The following GMDS variants were observed in gnomAD, a reference collection of about 807,000 sequenced individuals.
GMDS encodes the protein GDP-mannose 4,6 dehydratase.
GMDS carries 20 observed loss-of-function variants against 49.9 expected under a neutral mutation model. The observed-to-expected ratio is 0.40, with a 90% CI of 0.28 to 0.58. The LOEUF is 0.58. Among genes scored for constraint, GMDS ranks in the 20% least tolerant of loss-of-function variants. The pLI is 0.42. For synonymous variants in GMDS, 177 were observed against 178.6 expected, an observed-to-expected ratio of 0.99 and a Z score of 0.07; for missense variants, 362 against 481.4, an observed-to-expected ratio of 0.75 and a Z score of 2.32.
intron 7 of GMDS, among the ~76,000 whole-genome samples, chr6:1,789,074 A>G (rs1463527417): frequency 6.6e-6 from 1 of 152,232 alleles, no homozygotes; most frequent in East Asian, 1.9e-4. Flanking sequence ...CACAATAGTC[A>G]TGTAATGACA....
chr6:1,700,944 C>T (rs191307723), intron 9 of GMDS, among the ~76,000 whole-genome samples: 7 of 152,274 alleles, frequency 4.6e-5, no homozygotes, highest in African/African-American at 9.6e-5. Flanking sequence ...TTATCCTATT[C>T]GTAAATCATA....
chr6:2,092,393 C>T (rs1773369631), intron 4 of GMDS, among the ~76,000 whole-genome samples: 1 of 152,186 alleles, frequency 6.6e-6, no homozygotes, highest in African/African-American at 2.4e-5. Context: ...TAAACCTTCC[C>T]ATCCTTAGAA....
At chr6:2,203,834 G>A (rs1291653849) in intron 1 of GMDS, among the ~76,000 whole-genome samples, 1 of 152,158 alleles carries the variant, frequency 6.6e-6, no homozygotes, top group East Asian at 1.9e-4. Context: ...ATAGCACAGG[G>A]AATGAAAACT....
At chr6:2,239,485 T>G (rs1781514135) in intron 1 of GMDS, among the ~76,000 whole-genome samples, 1 of 152,216 alleles carries the variant, frequency 6.6e-6, no homozygotes, top group Non-Finnish European at 1.5e-5. Context: ...GAGCAGCCCT[T>G]AGATCCCTAA....
intron 9 of GMDS, among the ~76,000 whole-genome samples, chr6:1,685,942 C>T (rs1483295092): frequency 2.6e-5 from 4 of 152,184 alleles, no homozygotes; most frequent in East Asian, 1.9e-4. Flanking sequence ...TTGGCATAGA[C>T]GTGCATGCCC....
chr6:2,155,411 T>C (rs774791795), intron 1 of GMDS, among the ~76,000 whole-genome samples: 10 of 152,106 alleles, frequency 6.6e-5, no homozygotes, highest in Non-Finnish European at 1.3e-4. Flanking sequence ...ACATAAAAGG[T>C]AATTACCATT....
intron 4 of GMDS, among the ~76,000 whole-genome samples, chr6:2,110,427 T>C (rs552638623): frequency 7.5e-4 from 114 of 152,280 alleles, no homozygotes; most frequent in African/African-American, 2.6e-3. Flanking sequence ...TTAATTCCTA[T>C]GGCTATTTTT....
chr6:1,667,312 C>T (rs1211579748), intron 9 of GMDS, among the ~76,000 whole-genome samples: 2 of 152,214 alleles, frequency 1.3e-5, no homozygotes, highest in Non-Finnish European at 2.9e-5. Context: ...AATGCAGTCA[C>T]GCTCAAGCAG....
At chr6:2,155,462 C>T (rs917938367) in intron 1 of GMDS, among the ~76,000 whole-genome samples, 3 of 152,072 alleles carry the variant, frequency 2.0e-5, no homozygotes, top group Non-Finnish European at 4.4e-5. Flanking sequence ...TGACCAAAGG[C>T]CCAAAATTTA....
intron 7 of GMDS, among the ~76,000 whole-genome samples, chr6:1,784,411 A>G (rs551910695): frequency 4.4e-4 from 66 of 151,562 alleles, no homozygotes; most frequent in Admixed American, 9.9e-4. Flanking sequence ...AAAAAAAAAA[A>G]AAAGAAAATT....
At chr6:1,735,320 A>G (rs1164162416) in intron 8 of GMDS, among the ~76,000 whole-genome samples, 1 of 152,212 alleles carries the variant, frequency 6.6e-6, no homozygotes, top group East Asian at 1.9e-4. Flanking sequence ...TGCTAAGGAC[A>G]CGGGTATGTG....
intron 7 of GMDS, among the ~76,000 whole-genome samples, chr6:1,781,086 T>C (rs1401794269): frequency 2.6e-5 from 4 of 152,018 alleles, no homozygotes; most frequent in Non-Finnish European, 5.9e-5. Context: ...GAAAACACGA[T>C]TGCAAGACGA....
chr6:1,848,697 A>G (rs1432695360), intron 7 of GMDS, among the ~76,000 whole-genome samples: 1 of 152,194 alleles, frequency 6.6e-6, no homozygotes, highest in Non-Finnish European at 1.5e-5. Context: ...AGAGGGCAGG[A>G]CTGCATAGGG....
chr6:1,725,606 T>C (rs1372423969), intron 9 of GMDS, among the ~76,000 whole-genome samples: 1 of 152,162 alleles, frequency 6.6e-6, no homozygotes, highest in Non-Finnish European at 1.5e-5. Flanking sequence ...GCTAATTTTG[T>C]ATTTTTAGTA....
At chr6:1,727,732 A>G (rs1766645675) in intron 8 of GMDS, among the ~76,000 whole-genome samples, 1 of 152,244 alleles carries the variant, frequency 6.6e-6, no homozygotes, top group Non-Finnish European at 1.5e-5. Flanking sequence ...ATGTTCTGTC[A>G]AATCACTTCT....
chr6:1,978,313 G>A (rs530721797), intron 4 of GMDS, among the ~76,000 whole-genome samples: 10 of 152,254 alleles, frequency 6.6e-5, no homozygotes, highest in South Asian at 4.1e-4. Flanking sequence ...ATGCCCAAGC[G>A]CATGTATTAG....
At chr6:2,203,766 C>T (rs535956563) in intron 1 of GMDS, among the ~76,000 whole-genome samples, 4 of 152,256 alleles carry the variant, frequency 2.6e-5, no homozygotes, top group African/African-American at 9.6e-5. Flanking sequence ...CAGGTGGGTA[C>T]ATTTTAGTAG....
intron 7 of GMDS, among the ~76,000 whole-genome samples, chr6:1,914,131 G>GTTTTTTTTTTT (rs563808537): frequency 2.2e-4 from 17 of 77,838 alleles, no homozygotes; most frequent in African/African-American, 2.8e-4. Context: ...TTTTTTGTTT[G>GTTTTTTTTTTT]TTTTTTTTTT....
At chr6:1,853,514 T>A (rs1185718557) in intron 7 of GMDS, among the ~76,000 whole-genome samples, 2 of 93,174 alleles carry the variant, frequency 2.1e-5, no homozygotes, top group Non-Finnish European at 4.0e-5. Context: ...CGAGACTCCG[T>A]CTCAAAAAAA....
Sources: allele counts gnomAD v4.1 joint callset (sites outside exome capture counted in the v4.1 genomes callset), GRCh38; gene constraint gnomAD v4.1.1; transcripts MANE v1.5; gene names NCBI Gene and HGNC (gene_info 2026-07-23, HGNC 2026-07-21).